MACO1: variants seen among roughly 807,000 people sequenced by gnomAD.
MACO1 encodes macoilin 1.
Under a neutral mutation model 78.7 loss-of-function variants are expected in MACO1, and 14 were observed. That is an observed-to-expected ratio of 0.18 (90% CI 0.12 to 0.28). The LOEUF is 0.28. MACO1 is among the 10% of genes least tolerant of loss of function. The probability of loss-of-function intolerance (pLI) is 1.00; values close to 1 mark genes in which losing one functional copy is unlikely to be tolerated. For synonymous variants in MACO1, 288 were observed against 291.6 expected (o/e 0.99, Z 0.12); for missense variants, 501 against 799.0 (o/e 0.63, Z 4.50).
intron 1 of MACO1, among the ~76,000 whole-genome samples, chr1:25,444,691 A>G (rs922888448): frequency 6.6e-6 from 1 of 152,000 alleles, no homozygotes; most frequent in African/African-American, 2.4e-5. Context: ...GGTTCAAACA[A>G]TTCTTTTACC....
At chr1:25,475,999 ACTAT>A (rs1261417761) in intron 6 of MACO1, among the ~76,000 whole-genome samples, 14 of 152,182 alleles carry the variant, frequency 9.2e-5, no homozygotes, top group East Asian at 1.9e-4. Flanking sequence ...CCTTCTGTTG[ACTAT>A]CTAAGTGCTT....
intron 1 of MACO1, among the ~76,000 whole-genome samples, chr1:25,436,754 C>G (rs985769598): frequency 6.6e-6 from 1 of 152,166 alleles, no homozygotes; most frequent in Non-Finnish European, 1.5e-5. Flanking sequence ...TGACATTTAA[C>G]CGACATCAAA....
At chr1:25,497,093 G>C (rs1229870213) in intron 10 of MACO1, among the ~76,000 whole-genome samples, 1 of 152,024 alleles carries the variant, frequency 6.6e-6, no homozygotes, top group East Asian at 1.9e-4. Context: ...AAGAATCTAG[G>C]AGTTAGACCG....
chr1:25,431,324 G>C, intron 1 of MACO1, 146 bp downstream of exon 1: 1 of 306,788 alleles, frequency 3.3e-6, no homozygotes, highest in Non-Finnish European at 5.3e-6. Context: ...GGAGCCGCTG[G>C]CCCGCCCGCC....
intron 10 of MACO1, among the ~76,000 whole-genome samples, chr1:25,494,108 T>TA (rs2043514034): frequency 6.6e-6 from 1 of 152,228 alleles, no homozygotes. Flanking sequence ...AGACTCCACT[T>TA]ACACTTTTGA....
chr1:25,445,132 TAAAAAAA>T (rs11297651), intron 1 of MACO1, among the ~76,000 whole-genome samples: 1 of 112,274 alleles, frequency 8.9e-6, no homozygotes, highest in Non-Finnish European at 1.8e-5. Context: ...CCATCTCTAT[TAAAAAAA>T]AAAAAAAAAA....
chr1:25,448,779 C>G, intron 2 of MACO1, 29 bp from the exon 3 acceptor site: 1 of 1,496,476 alleles, frequency 6.7e-7, no homozygotes, highest in Non-Finnish European at 9.1e-7. Flanking sequence ...TAAGATGTAT[C>G]TTTTATTTTG....
At chr1:25,460,776 C>T (rs1000965334) in intron 6 of MACO1, among the ~76,000 whole-genome samples, 1 of 151,376 alleles carries the variant, frequency 6.6e-6, no homozygotes, top group Non-Finnish European at 1.5e-5. Flanking sequence ...CCAGTGCCCC[C>T]GTGCCTACAC....
At chr1:25,483,834 T>A (rs1392764255) in intron 6 of MACO1, among the ~76,000 whole-genome samples, 2 of 152,194 alleles carry the variant, frequency 1.3e-5, no homozygotes, top group Non-Finnish European at 2.9e-5. Flanking sequence ...TTCTCCTTTA[T>A]CAGCAGCTCG....
rs1187424798 is a variant in MACO1, at chr1:25,448,801, C to G, written c.223-7C>G. ...TATCTTTTATTTTGTTTTATTTTTC[C>G]CTTTAGGCCTTCTCAGTATTTTTTG... On this transcript the variant is annotated splice_polypyrimidine_tract_variant and splice_region_variant and intron_variant, in intron 2 of 10. Transcript: ENST00000374343. 6.6e-7 allele frequency: 1 copy of G among 1,518,102 alleles called. No individual in the cohort carries two copies. Among genetic ancestry groups the G allele is most frequent in the Non-Finnish European group, 8.9e-7 (1 of 1,117,760 alleles). The allele number at this position is 1,518,102 out of a possible 1,614,324, so 94.0% of individuals were successfully genotyped here.
chr1:25,495,514 TC>T (rs1167518629), intron 10 of MACO1, among the ~76,000 whole-genome samples: 1 of 152,158 alleles, frequency 6.6e-6, no homozygotes, highest in Non-Finnish European at 1.5e-5. Flanking sequence ...GGGGGGCAGT[TC>T]CTTTCTACTG....
intron 6 of MACO1, among the ~76,000 whole-genome samples, chr1:25,479,257 G>A (rs1557672551): frequency 6.6e-6 from 1 of 152,030 alleles, no homozygotes; most frequent in Admixed American, 6.6e-5. Context: ...AAACTTCTTT[G>A]TACTTCACAC....
intron 9 of MACO1, 63 bp downstream of exon 9, chr1:25,489,356 C>G: frequency 6.3e-7 from 1 of 1,589,504 alleles, no homozygotes; most frequent in South Asian, 1.1e-5. Context: ...AACTTGTGCT[C>G]TGTGTTGCAG....
At chr1:25,439,791 G>A (rs2042953385) in intron 1 of MACO1, among the ~76,000 whole-genome samples, 1 of 151,902 alleles carries the variant, frequency 6.6e-6, no homozygotes, top group Admixed American at 6.6e-5. Context: ...GGCTGAGACA[G>A]GTGGATCACT....
chr1:25,498,121 A>T, intron 10 of MACO1, 143 bp from the exon 11 acceptor site: 1 of 717,048 alleles, frequency 1.4e-6, no homozygotes, highest in Non-Finnish European at 2.3e-6. Context: ...GTGTCCCATT[A>T]CAGGACAAGT....
Position 25,446,765 on chromosome 1 carries a change from A to G in MACO1, c.84A>G (p.Thr28=), listed in dbSNP as rs2043018627. The change falls in exon 2 of 11, where the codon ACA becomes ACG. Residue 28 remains threonine (T), a synonymous_variant. Coordinates refer to ENST00000374343, the MANE Select transcript of MACO1 (RefSeq NM_018202.6). The stretch of plus-strand genomic sequence containing the variant: ...TCTTTATTTTTATATTTTGCAGTAC[A>G]TTTTTATACCTGAAATTCCTGGTGG... ...NRITEGIYGS[T]FLYLKFLVVW... is the part of the protein sequence containing the mutation. 1 of 1,608,684 alleles carries G rather than the reference A, an allele frequency of 6.2e-7. No homozygotes were observed. The highest frequency in any genetic ancestry group is 1.1e-5 in the South Asian group (1 of 89,706).
In MACO1 at chr1:25,490,529, C is replaced by T. The variant is rs909600818; in HGVS notation, c.1618-881C>T. ...ATGTAACTTTCTGGAAAAGGTCTTG[C>T]ACTTTTTAAGTATTTACCTTTTTTA... On this transcript the variant is annotated intron_variant, in intron 9 of 10. Coordinates refer to ENST00000374343, the MANE Select transcript of MACO1 (RefSeq NM_018202.6). Among the ~76,000 whole-genome samples the T allele has an allele frequency of 3.3e-5, 5 of 152,196 alleles. No homozygotes were observed. In the South Asian group the frequency reaches 6.2e-4, roughly 19 times the overall value.
Position 25,498,277 on chromosome 1 carries a change from G to C in MACO1, c.1806G>C (p.Gln602His). 6.2e-7 allele frequency: 1 copy of C among 1,614,166 alleles called. No homozygotes were observed. Among genetic ancestry groups the C allele is most frequent in the Non-Finnish European group, 8.5e-7 (1 of 1,180,036 alleles). Residue 602 changes from glutamine to histidine, a missense_variant, in exon 11 of 11, where the codon CAG becomes CAC. Gln to His is a conservative substitution (Grantham distance 24). This residue lies in a region of MACO1 where 66 missense variants were observed against 101.6 expected (regional missense o/e 0.65). Transcript: ENST00000374343. ...QLEIAQGQIL[Q>H]KDQEIKDLKQ... ...TTGATCTTACAGGACAAATCCTTCA[G>C]AAAGATCAGGAAATCAAGGACCTAA...
At chr1:25,487,757 C>T (rs2043447030) in intron 8 of MACO1, among the ~76,000 whole-genome samples, 1 of 152,120 alleles carries the variant, frequency 6.6e-6, no homozygotes, top group Non-Finnish European at 1.5e-5. Context: ...AGTTCACCGC[C>T]CCCTGCTGGA....
Sources: allele counts gnomAD v4.1 joint callset (sites outside exome capture counted in the v4.1 genomes callset), GRCh38; gene constraint gnomAD v4.1.1; regional missense constraint gnomAD v4.1.1; transcripts MANE v1.5; gene names NCBI Gene and HGNC (gene_info 2026-07-23, HGNC 2026-07-21).